The following CFAP54 variants were observed in gnomAD, a reference collection of about 807,000 sequenced individuals.
The protein encoded by CFAP54 is cilia and flagella associated protein 54.
CFAP54 carries 290 observed loss-of-function variants against 370.4 expected under a neutral mutation model. The ratio of observed to expected loss-of-function variants is 0.78; its 90% confidence interval spans 0.71 to 0.86. CFAP54 has a LOEUF of 0.86. Among genes scored for constraint, CFAP54 ranks in the 40% least tolerant of loss-of-function variants. CFAP54 has a pLI of 0.00. For missense variants in CFAP54, 3,399 were observed against 3,528.7 expected (o/e 0.96, Z 0.93); for synonymous variants, 1,206 against 1,236.5 (o/e 0.98, Z 0.52).
chr12:96,532,313 C>G (rs1955447928), intron 9 of CFAP54, among the ~76,000 whole-genome samples: 2 of 152,112 alleles, frequency 1.3e-5, no homozygotes, highest in African/African-American at 4.8e-5. Context: ...GGAGAAAAGC[C>G]TAGGGTTAGC....
chr12:96,691,391 T>C (rs1305098661), intron 44 of CFAP54, 81 bp downstream of exon 44: 2 of 1,036,532 alleles, frequency 1.9e-6, no homozygotes, highest in East Asian at 2.7e-5. Flanking sequence ...ATTTTGCTAA[T>C]GTTCTTTTGG....
intron 60 of CFAP54, among the ~76,000 whole-genome samples, chr12:96,768,951 G>C (rs1958428782): frequency 6.6e-6 from 1 of 152,160 alleles, no homozygotes; most frequent in South Asian, 2.1e-4. Context: ...TGTGTGGAGA[G>C]TGGACTATAG....
chr12:96,573,813 A>G (rs1183987755), intron 19 of CFAP54, among the ~76,000 whole-genome samples: 5 of 152,188 alleles, frequency 3.3e-5, no homozygotes, highest in African/African-American at 7.2e-5. Flanking sequence ...AAGGACTGGT[A>G]TGCAGGCTCT....
intron 67 of CFAP54, among the ~76,000 whole-genome samples, chr12:96,872,312 C>T (rs1960191871): frequency 6.6e-6 from 1 of 152,068 alleles, no homozygotes; most frequent in Admixed American, 6.5e-5. Context: ...AAAAGTCAAC[C>T]TATTAATCTA....
At chr12:96,544,208 G>A (rs777613038) in intron 14 of CFAP54, among the ~76,000 whole-genome samples, 10 of 88,740 alleles carry the variant, frequency 1.1e-4, no homozygotes, top group Non-Finnish European at 2.0e-4. Context: ...ATTGTTGTCC[G>A]CAGTTCCTGG....
intron 63 of CFAP54, among the ~76,000 whole-genome samples, chr12:96,802,520 C>G (rs768885291): frequency 1.2e-4 from 18 of 152,140 alleles, no homozygotes; most frequent in Admixed American, 5.9e-4. Flanking sequence ...AACACAGACT[C>G]CTTGGGTCCT....
At position 96,720,715 on chromosome 12, in the gene CFAP54, TG is replaced by T. The variant is rs762575009; in HGVS notation, c.6965+151del. ...TATTATTCAGGGAAGTTTTCATACATGATTTCACTTAAAATTATAGCTCTGG... is the reference window on the plus strand; with the variant it reads ...TATTATTCAGGGAAGTTTTCATACATATTTCACTTAAAATTATAGCTCTGG... On this transcript the variant is annotated intron_variant, in intron 50 of 67. Transcript: ENST00000524981. 2.9e-4 allele frequency: 192 copies of T among 659,054 alleles called. 1 individual carries two copies. Among genetic ancestry groups the T allele is most frequent in the Non-Finnish European group, 3.8e-4 (177 of 460,916 alleles). 40.8% of individuals were successfully genotyped at this position (659,054 alleles called of 1,614,324 possible).
chr12:96,522,106 A>C lies in CFAP54; in HGVS notation c.1075A>C (p.Lys359Gln), dbSNP rs1227085958. 2.0e-6 allele frequency: 3 copies of C among 1,535,604 alleles called. No individual in the cohort carries two copies. The South Asian group carries it at 3.6e-5, about 18-fold the overall frequency. Residue 359 changes from lysine to glutamine, a missense_variant, in exon 8 of 68, where the codon AAA becomes CAA. Physicochemically the swap from Lys to Gln is moderately conservative, Grantham distance 53 (BLOSUM62 1). This residue lies in a region of CFAP54 where 559 missense variants were observed against 576.7 expected (regional missense o/e 0.97). Transcript: ENST00000524981. ...ATMKMAVMIF[K>Q]RGVFESRRKN... ...GAGGCAGATGGCAGTGATGATCTTC[A>C]AAAGAGGAGTCTTTGAATCTAGAAG...
In CFAP54 at chr12:96,587,787, A is replaced by G. The variant is rs1592865605; in HGVS notation, c.3076-1640A>G. Among the ~76,000 whole-genome samples the G allele has an allele frequency of 3.3e-5, 5 of 152,260 alleles. 1 individual carries two copies. Among genetic ancestry groups the G allele is most frequent in the Admixed American group, 3.3e-4 (5 of 15,288 alleles). On this transcript the variant is annotated intron_variant, in intron 22 of 67. Coordinates refer to ENST00000524981, the MANE Select transcript of CFAP54 (RefSeq NM_001306084.2). ...CTTTCCATGATAAACCTTAATAATT[A>G]TATATTTTAATTATATGTATTTATA...
rs187664423 is a variant in CFAP54 at position 96,670,983 on chromosome 12, T to A, written c.5563+7051T>A. ...TACCCTGAGCATTCAGTATTTATTTTTTTATTTATTTATTTAGATGAAGTC... is the reference window on the plus strand; with the variant it reads ...TACCCTGAGCATTCAGTATTTATTTATTTATTTATTTATTTAGATGAAGTC... On this transcript the variant is annotated intron_variant, in intron 39 of 67. Transcript: ENST00000524981. Among the ~76,000 whole-genome samples, 407 of 152,266 alleles carry A rather than the reference T, an allele frequency of 2.7e-3. 1 individual carries two copies. Among genetic ancestry groups the A allele is most frequent in the African/African-American group, 4.9e-3 (202 of 41,550 alleles).
rs145433678 is a variant in CFAP54 at position 96,623,423 on chromosome 12, G to T, written c.3772-344G>T. 5.9e-5 allele frequency among the ~76,000 whole-genome samples: 9 copies of T among 152,310 alleles called. No individual in the cohort carries two copies. In the East Asian group the frequency reaches 1.5e-3, roughly 26 times the overall value. Reference sequence around the variant, plus strand: ...TAAAGGGATACATTTCTGAGGGCAGGCTGGGAATTGTCTTTTCAAGATTTT... The same window carrying T: ...TAAAGGGATACATTTCTGAGGGCAGTCTGGGAATTGTCTTTTCAAGATTTT... On this transcript the variant is annotated intron_variant, in intron 27 of 67. Transcript: ENST00000524981.
intron 50 of CFAP54, among the ~76,000 whole-genome samples, chr12:96,732,110 T>G (rs200718360): frequency 1.9e-4 from 28 of 148,970 alleles, no homozygotes; most frequent in African/African-American, 6.6e-4. Context: ...GTGTGTGTGT[T>G]TGTGTGTGTG....
rs550095535 is a variant in CFAP54 at position 96,739,980 on chromosome 12, T to C, written c.6990T>C (p.Leu2330=). The change falls in exon 51 of 68, where the codon CTT becomes CTC. Residue 2330 remains leucine, a synonymous_variant. Coordinates refer to ENST00000524981, the MANE Select transcript of CFAP54 (RefSeq NM_001306084.2). ...AYSAAIVFST[L]TLLQDSKLFE... ...GTGCTGCAATAGTATTTTCTACACT[T>C]ACACTTCTCCAGGATTCAAAACTTT... 1.8e-5 allele frequency: 28 copies of C among 1,590,026 alleles called. No homozygotes were observed. The highest frequency in any genetic ancestry group is 8.5e-5 in the Admixed American group (5 of 59,102).
chr12:96,512,301 T>TTATTTATATATATATATATA (rs1955178748), intron 4 of CFAP54, among the ~76,000 whole-genome samples: 1 of 31,122 alleles, frequency 3.2e-5, no homozygotes, highest in African/African-American at 1.1e-4. Flanking sequence ...GGAACCAATT[T>TTATTTATATATATATATATA]TATATATATA....
chr12:96,747,563 T>G (rs1958131016), intron 55 of CFAP54, among the ~76,000 whole-genome samples: 1 of 152,156 alleles, frequency 6.6e-6, no homozygotes, highest in South Asian at 2.1e-4. Context: ...TTCAAATATT[T>G]GAAGAAAAAC....
intron 2 of CFAP54, among the ~76,000 whole-genome samples, chr12:96,502,640 A>G (rs2136349308): frequency 6.6e-6 from 1 of 152,264 alleles, no homozygotes; most frequent in East Asian, 1.9e-4. Context: ...ATGCCTCCCA[A>G]GGGGCTAGGT....
intron 6 of CFAP54, among the ~76,000 whole-genome samples, chr12:96,521,156 G>A (rs958059154): frequency 6.6e-6 from 1 of 151,996 alleles, no homozygotes; most frequent in African/African-American, 2.4e-5. Context: ...TTAATATTTT[G>A]GTTGATCTAG....
intron 66 of CFAP54, among the ~76,000 whole-genome samples, chr12:96,841,070 C>T (rs989051265): frequency 7.9e-5 from 12 of 152,176 alleles, no homozygotes; most frequent in African/African-American, 2.7e-4. Context: ...TTGTGTTATC[C>T]GTGCTCAAAG....
At chr12:96,855,532 C>T (rs1385612123) in intron 66 of CFAP54, among the ~76,000 whole-genome samples, 2 of 152,090 alleles carry the variant, frequency 1.3e-5, no homozygotes, top group Non-Finnish European at 2.9e-5. Context: ...AGAAATTGGC[C>T]AAAATAAAGG....
Sources: allele counts gnomAD v4.1 joint callset (sites outside exome capture counted in the v4.1 genomes callset), GRCh38; gene constraint gnomAD v4.1.1; regional missense constraint gnomAD v4.1.1; transcripts MANE v1.5; gene names NCBI Gene and HGNC (gene_info 2026-07-23, HGNC 2026-07-21).